MTA3: variants seen among roughly 807,000 people sequenced by gnomAD.
MTA3 encodes the protein metastasis-associated protein MTA3.
In MTA3, 34 loss-of-function variants were observed where a neutral mutation model predicts 83.5. That is an observed-to-expected ratio of 0.41 (90% CI 0.31 to 0.54). MTA3 has a LOEUF of 0.54. MTA3 is among the 20% of genes least tolerant of loss of function. The pLI, the probability that MTA3 is intolerant of heterozygous loss-of-function variation, is 0.33. For missense variants in MTA3, 761 were observed against 726.4 expected (o/e 1.05, Z -0.55); for synonymous variants, 303 against 252.7 (o/e 1.20, Z -1.89).
intron 3 of MTA3, among the ~76,000 whole-genome samples, chr2:42,602,354 A>G (rs574562681): frequency 1.3e-5 from 2 of 152,206 alleles, no homozygotes; most frequent in Non-Finnish European, 2.9e-5. Flanking sequence ...TCCTATGAAC[A>G]TTCATGTACA....
intron 8 of MTA3, among the ~76,000 whole-genome samples, chr2:42,681,518 AT>A (rs1691910196): frequency 6.6e-6 from 1 of 151,880 alleles, no homozygotes; most frequent in South Asian, 2.1e-4. Context: ...TATTATTTTA[AT>A]TTTTATTTTT....
At chr2:42,576,618 A>G (rs1679056588) in intron 2 of MTA3, among the ~76,000 whole-genome samples, 1 of 151,956 alleles carries the variant, frequency 6.6e-6, no homozygotes, top group African/African-American at 2.4e-5. Context: ...AACCAAAACA[A>G]GGCCAGATAT....
chr2:42,561,097 C>T (rs907555385), intron 2 of MTA3, among the ~76,000 whole-genome samples: 1 of 152,144 alleles, frequency 6.6e-6, no homozygotes, highest in East Asian at 1.9e-4. Flanking sequence ...ATGATCAGGT[C>T]AGGCTGCTTC....
chr2:42,612,232 C>A (rs1035279540), intron 4 of MTA3, among the ~76,000 whole-genome samples: 1 of 152,114 alleles, frequency 6.6e-6, no homozygotes, highest in African/African-American at 2.4e-5. Context: ...TATCGATTGA[C>A]TGTGCGGGAT....
At chr2:42,666,552 C>G (rs1690252127) in intron 8 of MTA3, among the ~76,000 whole-genome samples, 2 of 152,188 alleles carry the variant, frequency 1.3e-5, no homozygotes, top group Non-Finnish European at 2.9e-5. Flanking sequence ...CTGATGCTCT[C>G]ATAGCCCCAC....
chr2:42,615,938 T>A (rs764353452), intron 4 of MTA3, among the ~76,000 whole-genome samples: 6 of 151,834 alleles, frequency 4.0e-5, no homozygotes, highest in Admixed American at 6.6e-5. Flanking sequence ...TCCAGGATGT[T>A]CTTGATCTCC....
intron 6 of MTA3, among the ~76,000 whole-genome samples, chr2:42,647,260 G>C (rs545434938): frequency 1.3e-5 from 2 of 151,720 alleles, no homozygotes; most frequent in East Asian, 3.9e-4. Context: ...GTCTCGCTCT[G>C]TTGCCCAGGC....
Position 42,522,869 on chromosome 2 carries a change from C to CAGG in MTA3, c.-141+27617_-141+27619dup, listed in dbSNP as rs150368401. Among the ~76,000 whole-genome samples the CAGG allele has an allele frequency of 4.0e-3, 586 of 147,580 alleles. 5 individuals carry two copies. The highest frequency in any genetic ancestry group is 0.014 in the African/African-American group (552 of 39,774). On this transcript the variant is annotated intron_variant, in intron 2 of 17. Transcript: ENST00000405592. ...TGTCAGGTAGGCTAGAGTGCAGTGG[C>CAGG]AGGATCACAGCTCCATTGCAGCTGC...
Position 42,753,365 on chromosome 2 carries a change from C to T in MTA3, c.1760-9C>T. ...GTTTAACCTTCACACTGTTACTTCC[C>T]TTTTCTAGAACTCACGTGCTGTGTG... On this transcript the variant is annotated splice_polypyrimidine_tract_variant and intron_variant, in intron 16 of 16. Transcript: ENST00000405094. 2 of 1,550,568 alleles carry T rather than the reference C, an allele frequency of 1.3e-6. No homozygotes were observed. The highest frequency in any genetic ancestry group is 1.7e-6 in the Non-Finnish European group (2 of 1,146,964).
chr2:42,745,135 C>T (rs983787933), intron 16 of MTA3, among the ~76,000 whole-genome samples: 8 of 152,176 alleles, frequency 5.3e-5, no homozygotes, highest in East Asian at 1.9e-4. Flanking sequence ...TTATTTTTAT[C>T]AGCAACTATT....
chr2:42,600,034 A>C lies in MTA3; in HGVS notation c.191-9424A>C, dbSNP rs557880474. On this transcript the variant is annotated intron_variant, in intron 3 of 16. Transcript: ENST00000405094. ...ACACAGTGAAACCCTGTCTGTACTA[A>C]AAATACAAAAAAAATTAGCTGGGTG... Among the ~76,000 whole-genome samples the C allele has an allele frequency of 6.3e-5, 4 of 63,256 alleles. No homozygotes were observed. In the Admixed American group the frequency reaches 7.9e-4, roughly 13 times the overall value. 41.5% of individuals were successfully genotyped at this position (63,256 alleles called of 152,430 possible).
chr2:42,734,473 T>G (rs1668471004), intron 16 of MTA3, among the ~76,000 whole-genome samples: 1 of 29,650 alleles, frequency 3.4e-5, no homozygotes, highest in Non-Finnish European at 5.2e-5. Context: ...ACGGGGCCTT[T>G]TTTTTTTTTT....
intron 3 of MTA3, among the ~76,000 whole-genome samples, chr2:42,586,067 G>A (rs1355419135): frequency 6.6e-6 from 1 of 151,408 alleles, no homozygotes; most frequent in Non-Finnish European, 1.5e-5. Flanking sequence ...ATGGATCACT[G>A]GAGGTCAGGA....
intron 9 of MTA3, among the ~76,000 whole-genome samples, chr2:42,691,307 G>A (rs886869485): frequency 6.6e-6 from 1 of 152,004 alleles, no homozygotes; most frequent in African/African-American, 2.4e-5. Context: ...ACCACACCGC[G>A]GCCTATGAAA....
In MTA3 at chr2:42,704,338, T is replaced by G. The variant is rs1190718820; in HGVS notation, c.1150+20T>G. On this transcript the variant is annotated intron_variant, in intron 12 of 16. Transcript: ENST00000405094. ...GCTATGGTAAGTTTTCTCTAGCAGG[T>G]CAGTTAAGCATCGGGAACTGTTCTG... The G allele has an allele frequency of 6.2e-7, 1 of 1,612,942 alleles. No homozygotes were observed. The highest frequency in any genetic ancestry group is 1.3e-5 in the African/African-American group (1 of 74,896).
chr2:42,542,939 T>G (rs950649503), intron 2 of MTA3, among the ~76,000 whole-genome samples: 8 of 152,020 alleles, frequency 5.3e-5, no homozygotes, highest in African/African-American at 1.9e-4. Context: ...CAGAAACACA[T>G]CAATCCCCAA....
intron 4 of MTA3, among the ~76,000 whole-genome samples, chr2:42,617,259 A>C (rs149712288): frequency 1.1e-3 from 175 of 152,320 alleles, no homozygotes; most frequent in Middle Eastern, 3.4e-3. Context: ...CAATGTGTAC[A>C]TACCCTTTGA....
intron 9 of MTA3, 39 bp downstream of exon 9, chr2:42,682,628 G>T: frequency 6.5e-7 from 1 of 1,533,856 alleles, no homozygotes; most frequent in Non-Finnish European, 8.9e-7. Flanking sequence ...ATGTTGAGAT[G>T]GGAATATTCT....
intron 2 of MTA3, among the ~76,000 whole-genome samples, chr2:42,533,956 T>C (rs1358344572): frequency 6.6e-6 from 1 of 152,152 alleles, no homozygotes; most frequent in Non-Finnish European, 1.5e-5. Flanking sequence ...TTAAGTTGCA[T>C]CTCGTTCACA....
Sources: gnomAD v4.1 joint callset for allele counts (sites outside exome capture counted in the v4.1 genomes callset) on GRCh38, gnomAD v4.1.1 for gene constraint, MANE v1.5 for transcripts, NCBI Gene and HGNC (gene_info 2026-07-23, HGNC 2026-07-21) for gene names.